The following ZSCAN10 variants were observed in gnomAD, a reference collection of about 807,000 sequenced individuals.
ZSCAN10 encodes the protein zinc finger and SCAN domain-containing protein 10.
ZSCAN10 carries 52 observed loss-of-function variants against 63.7 expected under a neutral mutation model. The observed-to-expected ratio is 0.82, with a 90% CI of 0.65 to 1.03. The LOEUF is 1.03. ZSCAN10 is among the 50% of genes least tolerant of loss of function. ZSCAN10 has a pLI of 0.00. For synonymous variants in ZSCAN10, 544 were observed against 479.6 expected, an observed-to-expected ratio of 1.13 and a Z score of -1.76; for missense variants, 1,223 against 1,103.8, an observed-to-expected ratio of 1.11 and a Z score of -1.53.
intron 1 of ZSCAN10, among the ~76,000 whole-genome samples, chr16:3,095,904 G>A (rs142917101): frequency 6.6e-6 from 1 of 152,264 alleles, no homozygotes; most frequent in East Asian, 1.9e-4. Flanking sequence ...GCTGAGGTGG[G>A]AAGATTGCTT....
rs1035753913 is a variant in ZSCAN10, at chr16:3,089,566, C to A, written c.1868G>T (p.Arg623Leu). ...CTCGCCCGTGTGGCTGCGCTGGTGG[C>A]GGGCCAGATCCTGGGTCTGGCCGAA... ...KSFGQTQDLA[R>L]HQRSHTGEKP... The change falls in exon 6 of 6, where the codon CGC becomes CTC. Residue 623 changes from arginine (R) to leucine (L), a missense_variant. Coordinates refer to ENST00000576985, the MANE Select transcript of ZSCAN10 (RefSeq NM_032805.3). 4 of 1,593,028 alleles carry A rather than the reference C, an allele frequency of 2.5e-6. No individual in the cohort carries two copies. Among genetic ancestry groups the A allele is most frequent in the African/African-American group, 1.3e-5 (1 of 74,356 alleles).
At chr16:3,090,875 G>A (rs1370819516) in intron 5 of ZSCAN10, among the ~76,000 whole-genome samples, 3 of 136,114 alleles carry the variant, frequency 2.2e-5, no homozygotes, top group African/African-American at 5.6e-5. Flanking sequence ...CCAACATGGT[G>A]AAGCCCCGTC....
At position 3,091,810 on chromosome 16, in the gene ZSCAN10, G is replaced by C; in HGVS notation, c.683C>G (p.Pro228Arg). 1.3e-6 allele frequency: 2 copies of C among 1,572,740 alleles called. No individual in the cohort carries two copies. The highest frequency in any genetic ancestry group is 1.7e-6 in the Non-Finnish European group (2 of 1,158,872). ...LQESSPQGPS[P>R]WPEESSRDQE... ...ATCTCGGGAACTCTCCTCTGGCCATGGTGAGGGGCCCTGGGGACCTGACGG... is the reference window on the plus strand; with the variant it reads ...ATCTCGGGAACTCTCCTCTGGCCATCGTGAGGGGCCCTGGGGACCTGACGG... Residue 228 changes from proline to arginine, a missense_variant, in exon 4 of 6, where the codon CCA (proline) becomes CGA (arginine). Transcript: ENST00000576985.
In ZSCAN10 at chr16:3,090,142, G is replaced by T; in HGVS notation, c.1292C>A (p.Ala431Asp). Reference sequence around the variant, plus strand: ...GCGGCCGCACTCTGCGCACAGGAAGGCGGGTTCGGAGGAGTGGGTCAGCAG... The same window carrying T: ...GCGGCCGCACTCTGCGCACAGGAAGTCGGGTTCGGAGGAGTGGGTCAGCAG... ...KHLLTHSSEPAFLCAECGRGF... is the reference protein window; with the variant it reads ...KHLLTHSSEPDFLCAECGRGF... The change falls in exon 6 of 6, where the codon GCC (alanine) becomes GAC (aspartate). Residue 431 changes from alanine (A) to aspartate (D), a missense_variant. Coordinates refer to ENST00000576985, the MANE Select transcript of ZSCAN10 (RefSeq NM_032805.3). 2.5e-6 allele frequency: 4 copies of T among 1,600,936 alleles called. No homozygotes were observed. The highest frequency in any genetic ancestry group is 1.1e-5 in the South Asian group (1 of 90,424).
chr16:3,090,025 G>A lies in ZSCAN10; in HGVS notation c.1409C>T (p.Ala470Val), dbSNP rs1957047107. The change falls in exon 6 of 6, where the codon GCG (alanine) becomes GTG (valine). Residue 470 changes from alanine (A) to valine (V), a missense_variant. Physicochemically the swap from Ala to Val is moderately conservative, Grantham distance 64. Coordinates refer to ENST00000576985, the MANE Select transcript of ZSCAN10 (RefSeq NM_032805.3). ...PPCAPESKAEAPPLTDVLCSH... is the reference protein window; with the variant it reads ...PPCAPESKAEVPPLTDVLCSH... ...GCACAGGACATCGGTCAGTGGCGGCGCTTCGGCCTTACTCTCAGGAGCGCA... is the reference window on the plus strand; with the variant it reads ...GCACAGGACATCGGTCAGTGGCGGCACTTCGGCCTTACTCTCAGGAGCGCA... The A allele has an allele frequency of 1.3e-6, 2 of 1,584,808 alleles. No homozygotes were observed. The highest frequency in any genetic ancestry group is 1.7e-6 in the Non-Finnish European group (2 of 1,169,210).
intron 1 of ZSCAN10, among the ~76,000 whole-genome samples, chr16:3,094,343 C>CTTTA (rs887763987): frequency 5.9e-5 from 9 of 152,046 alleles, no homozygotes; most frequent in Middle Eastern, 3.4e-3. Flanking sequence ...TCCAACCAGC[C>CTTTA]TTTATTTATT....
intron 1 of ZSCAN10, among the ~76,000 whole-genome samples, chr16:3,094,863 G>T (rs902617677): frequency 1.3e-5 from 2 of 151,070 alleles, no homozygotes; most frequent in African/African-American, 4.9e-5. Context: ...GGCTTTAAAA[G>T]ACATCCTGGG....
chr16:3,098,029 G>A (rs1957175183), intron 1 of ZSCAN10, among the ~76,000 whole-genome samples: 2 of 100,160 alleles, frequency 2.0e-5, no homozygotes, highest in African/African-American at 4.4e-5. Flanking sequence ...GATAAAAGGC[G>A]AAGACCCTGT....
At chr16:3,090,854 G>A (rs1469968103) in intron 5 of ZSCAN10, among the ~76,000 whole-genome samples, 1 of 138,636 alleles carries the variant, frequency 7.2e-6, no homozygotes, top group East Asian at 2.2e-4. Context: ...GTGAGTTCAA[G>A]ACCACCCTGG....
rs201495311 is a variant in ZSCAN10, at chr16:3,089,998, G to T, written c.1436C>A (p.Ser479Tyr). Residue 479 changes from serine (S) to tyrosine (Y), a missense_variant, in exon 6 of 6, where the codon TCC becomes TAC. Transcript: ENST00000576985. ...EAPPLTDVLCSHCGQSFQRRS... is the reference protein window; with the variant it reads ...EAPPLTDVLCYHCGQSFQRRS... ...GCGCTGGAAGCTCTGGCCGCAGTGG[G>T]AGCACAGGACATCGGTCAGTGGCGG... 5.3e-3 allele frequency: 8,214 copies of T among 1,561,270 alleles called. 25 individuals carry two copies. The highest frequency in any genetic ancestry group is 6.2e-3 in the Non-Finnish European group (7,221 of 1,156,576).
chr16:3,090,087 C>T lies in ZSCAN10; in HGVS notation c.1347G>A (p.Gln449=), dbSNP rs775145445. The T allele has an allele frequency of 4.4e-6, 7 of 1,603,174 alleles. No individual in the cohort carries two copies. The South Asian group carries it at 5.5e-5, about 13-fold the overall frequency. Residue 449 remains glutamine (Q), a synonymous_variant, in exon 6 of 6, where the codon CAG becomes CAA. Coordinates refer to ENST00000576985, the MANE Select transcript of ZSCAN10 (RefSeq NM_032805.3). ...GGTCCTGGGCGTGCGCCAGCAGGTGCTGCACAAGGCTGGCGCGGCGCTGGA... is the reference window on the plus strand; with the variant it reads ...GGTCCTGGGCGTGCGCCAGCAGGTGTTGCACAAGGCTGGCGCGGCGCTGGA... ...RGFQRRASLV[Q]HLLAHAQDQK...
At chr16:3,092,008 C>A (rs72772563) in intron 3 of ZSCAN10, 41 bp downstream of exon 3, 16 of 1,550,670 alleles carry the variant, frequency 1.0e-5, no homozygotes, top group African/African-American at 2.7e-5. Flanking sequence ...GGCCCCTCCG[C>A]GACACCCAGT....
rs777258898 is a variant in ZSCAN10, at chr16:3,092,663, A to G, written c.275T>C (p.Phe92Ser). 1 of 1,613,204 alleles carries G rather than the reference A, an allele frequency of 6.2e-7. No homozygotes were observed. Among genetic ancestry groups the G allele is most frequent in the Non-Finnish European group, 8.5e-7 (1 of 1,179,848 alleles). The change falls in exon 2 of 6, where the codon TTC (phenylalanine) becomes TCC (serine). Residue 92 changes from phenylalanine (F) to serine (S), a missense_variant. Phe to Ser is a radical substitution (Grantham distance 155). Coordinates refer to ENST00000576985, the MANE Select transcript of ZSCAN10 (RefSeq NM_032805.3). Reference protein sequence around the residue: ...QILELLVLEQFLSVLPPHLLG... With the variant: ...QILELLVLEQSLSVLPPHLLG... ...GAGGTGCGGAGGCAGCACACTCAGG[A>G]ACTGCTCCAGCACCAGCAGCTCCAG...
Position 3,088,950 on chromosome 16 carries a change from T to C in ZSCAN10, c.*141A>G. ...TTACATAGCTGAGGCCAGAAAGCAA[T>C]GCCTCGGCCAGGGAAGGACAGCTGT... On this transcript the variant is annotated 3_prime_UTR_variant, in exon 6 of 6. Coordinates refer to ENST00000576985, the MANE Select transcript of ZSCAN10 (RefSeq NM_032805.3). The C allele has an allele frequency of 7.4e-7, 1 of 1,356,052 alleles. No homozygotes were observed. The highest frequency in any genetic ancestry group is 9.5e-7 in the Non-Finnish European group (1 of 1,056,626). The allele number at this position is 1,356,052 out of a possible 1,614,324, so 84.0% of individuals were successfully genotyped here.
Position 3,092,758 on chromosome 16 carries a change from C to A in ZSCAN10, c.180G>T (p.Ala60=). 6.2e-7 allele frequency: 1 copy of A among 1,607,642 alleles called. No individual in the cohort carries two copies. Among genetic ancestry groups the A allele is most frequent in the East Asian group, 2.2e-5 (1 of 44,642 alleles). The part of the protein sequence containing the change: ...FQYQEDMGPR[A]SLSRLRELCG... ...AGAGCTCCCGGAGCCGGCTCAGGGA[C>A]GCCCGTGGCCCCATGTCCTCCTGAT... Residue 60 remains alanine, a synonymous_variant, in exon 2 of 6, where the codon GCG becomes GCT. Transcript: ENST00000576985.
In ZSCAN10 at chr16:3,090,275, G is replaced by T; in HGVS notation, c.1159C>A (p.Arg387Ser). Residue 387 changes from arginine to serine, a missense_variant, in exon 6 of 6, where the codon CGC becomes AGC. By Grantham distance (110) the Arg-to-Ser change is moderately radical (BLOSUM62 -1). Coordinates refer to ENST00000576985, the MANE Select transcript of ZSCAN10 (RefSeq NM_032805.3). ...LCLCCGKSFGRSSILKLHMRT... is the reference protein window; with the variant it reads ...LCLCCGKSFGSSSILKLHMRT... ...ATGTGCAGCTTGAGAATGGAGCTGC[G>T]GCCGAAGCTCTTCCCGCAGCAAAGG... The T allele has an allele frequency of 6.2e-7, 1 of 1,608,804 alleles. No homozygotes were observed. The highest frequency in any genetic ancestry group is 8.5e-7 in the Non-Finnish European group (1 of 1,179,286).
chr16:3,095,121 G>C (rs1377286372), intron 1 of ZSCAN10, among the ~76,000 whole-genome samples: 2 of 152,154 alleles, frequency 1.3e-5, no homozygotes, highest in African/African-American at 2.4e-5. Flanking sequence ...GCTCACGCCT[G>C]TTATCCCAGC....
rs758700802 is a variant in ZSCAN10 at position 3,092,720 on chromosome 16, A to G, written c.218T>C (p.Leu73Pro). ...SRLRELCGHW[L>P]RPALHTKKQI... ...TTTCTTGGTGTGCAGAGCCGGCCGC[A>G]GCCAGTGGCCGCAGAGCTCCCGGAG... The change falls in exon 2 of 6, where the codon CTG (leucine) becomes CCG (proline). Residue 73 changes from leucine to proline, a missense_variant. Transcript: ENST00000576985. 2 of 1,613,152 alleles carry G rather than the reference A, an allele frequency of 1.2e-6. No homozygotes were observed. The highest frequency in any genetic ancestry group is 3.3e-4 in the Middle Eastern group (2 of 6,056).
chr16:3,090,376 C>G lies in ZSCAN10; in HGVS notation c.1058G>C (p.Gly353Ala). 1.2e-6 allele frequency: 2 copies of G among 1,613,236 alleles called. No individual in the cohort carries two copies. The highest frequency in any genetic ancestry group is 1.7e-6 in the Non-Finnish European group (2 of 1,179,796). The change falls in exon 6 of 6, where the codon GGG (glycine) becomes GCG (alanine). Residue 353 changes from glycine to alanine, a missense_variant. Transcript: ENST00000576985. ...GCGAGACAGCTGCGGGAAGCTCACC[C>G]CGCAGTCCGCGCAGATGAACTGCAA... ...PELQFICADCGVSFPQLSRLK... is the reference protein window; with the variant it reads ...PELQFICADCAVSFPQLSRLK...
Sources: allele counts gnomAD v4.1 joint callset (sites outside exome capture counted in the v4.1 genomes callset), GRCh38; gene constraint gnomAD v4.1.1; transcripts MANE v1.5; gene names NCBI Gene and HGNC (gene_info 2026-07-23, HGNC 2026-07-21).